SCN1A: variants seen among roughly 807,000 people sequenced by gnomAD.
SCN1A encodes sodium voltage-gated channel alpha subunit 1, also known as sodium channel protein type 1 subunit alpha.
In SCN1A, 13 loss-of-function variants were observed where a neutral mutation model predicts 193.7. The ratio of observed to expected loss-of-function variants is 0.07; its 90% CI spans 0.04 to 0.11. SCN1A has a LOEUF of 0.11. SCN1A is among the 10% of genes least tolerant of loss of function. The probability of loss-of-function intolerance (pLI) is 1.00; values close to 1 mark genes in which losing one functional copy is unlikely to be tolerated. For synonymous variants in SCN1A, 781 were observed against 843.6 expected (o/e 0.93, Z 1.29); for missense variants, 1,432 against 2,451.1 (o/e 0.58, Z 8.78).
chr2:166,059,141 A>G (rs1683011098), intron 4 of SCN1A, among the ~76,000 whole-genome samples: 1 of 152,126 alleles, frequency 6.6e-6, no homozygotes, highest in Admixed American at 6.6e-5. Context: ...CTATTTTTGA[A>G]ATAAAGATTG....
intron 2 of SCN1A, among the ~76,000 whole-genome samples, chr2:166,100,384 AC>A (rs539369011): frequency 0.024 from 3,530 of 147,536 alleles, 56 homozygotes; most frequent in South Asian, 0.063. Flanking sequence ...AAAGATTTAA[AC>A]GTTAGACCTA....
intron 2 of SCN1A, among the ~76,000 whole-genome samples, chr2:166,092,151 C>T (rs993244159): frequency 6.6e-6 from 1 of 151,970 alleles, no homozygotes; most frequent in African/African-American, 2.4e-5. Context: ...ATATTGCTTT[C>T]TGTTTATCTA....
chr2:166,072,735 T>C (rs1422639470), intron 4 of SCN1A, among the ~76,000 whole-genome samples: 1 of 152,024 alleles, frequency 6.6e-6, no homozygotes, highest in Non-Finnish European at 1.5e-5. Flanking sequence ...AATTGTATAG[T>C]AAATCGAATC....
chr2:166,100,565 G>A (rs1687929178), intron 2 of SCN1A, among the ~76,000 whole-genome samples: 2 of 151,166 alleles, frequency 1.3e-5, no homozygotes, highest in Admixed American at 6.6e-5. Flanking sequence ...TACCATCAGA[G>A]TGAACAGGCA....
intron 19 of SCN1A, among the ~76,000 whole-genome samples, chr2:166,034,926 A>G (rs1478169671): frequency 6.6e-6 from 1 of 152,168 alleles, no homozygotes; most frequent in African/African-American, 2.4e-5. Context: ...CTAGACATTG[A>G]TGCTGCTGGT....
At chr2:166,015,813 G>GT in intron 19 of SCN1A, 86 bp from the exon 20 acceptor site, 1 of 1,469,194 alleles carries the variant, frequency 6.8e-7, no homozygotes, top group Non-Finnish European at 9.5e-7. Context: ...CTATGAATTT[G>GT]TTTTTTATTC....
At chr2:166,108,111 ACCCC>A (rs1330961595) in intron 2 of SCN1A, among the ~76,000 whole-genome samples, 1 of 152,016 alleles carries the variant, frequency 6.6e-6, no homozygotes, top group East Asian at 1.9e-4. Context: ...ATAATAAAAA[ACCCC>A]AAAGAACCTA....
chr2:166,128,074 GACAGCACCTT>G (rs1218700863), upstream of SCN1A: 1 of 118,456 alleles, frequency 8.4e-6, no homozygotes, highest in African/African-American at 3.1e-5. Context: ...AAAAAGTCAA[GACAGCACCTT>G]ACATTACATC....
Position 166,043,802 on chromosome 2 carries a change from G to T in SCN1A, c.1910C>A (p.Ala637Glu). The T allele has an allele frequency of 6.2e-7, 1 of 1,614,096 alleles. No homozygotes were observed. Among genetic ancestry groups the T allele is most frequent in the Non-Finnish European group, 8.5e-7 (1 of 1,180,026 alleles). Residue 637 changes from alanine to glutamate, a missense_variant, in exon 14 of 29, where the codon GCG becomes GAG. This residue lies in a region of SCN1A where 316 missense variants were observed against 362.1 expected (regional missense o/e 0.87). Transcript: ENST00000674923. ...RSSRMLAVFP[A>E]NGKMHSTVDC... ...CACAGTGCTGTGCATCTTCCCATTC[G>T]CTGGAAACACTGCCAGCATCCGGGA...
At chr2:166,097,358 C>T (rs1687505766) in intron 2 of SCN1A, among the ~76,000 whole-genome samples, 3 of 152,140 alleles carry the variant, frequency 2.0e-5, no homozygotes, top group South Asian at 4.1e-4. Flanking sequence ...TTTTCACCTT[C>T]CTTCCTAGAA....
chr2:165,997,287 C>A (rs1422526765), intron 26 of SCN1A, among the ~76,000 whole-genome samples: 1 of 150,908 alleles, frequency 6.6e-6, no homozygotes, highest in African/African-American at 2.4e-5. Flanking sequence ...GAAGACTTAA[C>A]AAAATGAGAA....
intron 4 of SCN1A, among the ~76,000 whole-genome samples, chr2:166,065,439 T>G (rs1390872237): frequency 6.6e-6 from 1 of 152,110 alleles, no homozygotes; most frequent in Non-Finnish European, 1.5e-5. Context: ...TATATAATAT[T>G]TTTTCCCCAA....
chr2:166,134,545 C>A (rs757806743), intron 1 of SCN1A, among the ~76,000 whole-genome samples: 1 of 152,134 alleles, frequency 6.6e-6, no homozygotes, highest in Non-Finnish European at 1.5e-5. Context: ...GCTCCACATG[C>A]GGTTCTTAAA....
intron 25 of SCN1A, chr2:165,998,948 GT>G (rs1690452909): frequency 6.6e-6 from 1 of 151,398 alleles, no homozygotes; most frequent in Non-Finnish European, 1.5e-5. Context: ...ACTCTATCAG[GT>G]TGAAGACTGC....
Position 166,058,674 on chromosome 2 carries a change from C to T in SCN1A, c.279G>A (p.Leu93=), listed in dbSNP as rs1262797420. The T allele has an allele frequency of 1.3e-6, 2 of 1,597,540 alleles. No individual in the cohort carries two copies. Among genetic ancestry groups the T allele is most frequent in the African/African-American group, 1.3e-5 (1 of 74,628 alleles). Residue 93 remains leucine (L), a synonymous_variant, in exon 5 of 29, where the codon TTG becomes TTA. Transcript: ENST00000674923. ...YYINKKTFIV[L]NKGKAIFRFS... ...ACCGGAAGATGGCCTTCCCTTTATT[C>T]AATACTATAAAAGTCTGTAAGACAG...
At chr2:166,101,160 T>C (rs1470621268) in intron 2 of SCN1A, among the ~76,000 whole-genome samples, 44 of 149,872 alleles carry the variant, frequency 2.9e-4, no homozygotes, top group East Asian at 6.0e-4. Flanking sequence ...ACATATACAC[T>C]ATGGAATACT....
At chr2:166,099,356 G>A (rs1197138165) in intron 2 of SCN1A, among the ~76,000 whole-genome samples, 2 of 150,766 alleles carry the variant, frequency 1.3e-5, no homozygotes, top group African/African-American at 2.5e-5. Flanking sequence ...TTGATGGGAC[G>A]TATCTCAAAA....
intron 2 of SCN1A, among the ~76,000 whole-genome samples, chr2:166,113,341 A>G (rs1450788923): frequency 1.3e-5 from 2 of 152,170 alleles, no homozygotes; most frequent in African/African-American, 4.8e-5. Flanking sequence ...CTTGGCACCT[A>G]GTATTAAATA....
At chr2:166,071,437 T>C (rs1684404207) in intron 4 of SCN1A, among the ~76,000 whole-genome samples, 2 of 152,140 alleles carry the variant, frequency 1.3e-5, no homozygotes, top group East Asian at 3.8e-4. Flanking sequence ...ATCCATCCCT[T>C]CCTCTACTGT....
Sources: allele counts gnomAD v4.1 joint callset (sites outside exome capture counted in the v4.1 genomes callset), GRCh38; gene constraint gnomAD v4.1.1; regional missense constraint gnomAD v4.1.1; transcripts MANE v1.5; gene names NCBI Gene and HGNC (gene_info 2026-07-23, HGNC 2026-07-21).